Variants in GIT2 observed in about 807,000 individuals in gnomAD.
The protein encoded by GIT2 is GIT ArfGAP 2.
Under a neutral mutation model 100.3 loss-of-function variants are expected in GIT2, and 32 were observed. The observed-to-expected ratio is 0.32, with a 90% CI of 0.24 to 0.43. The LOEUF (loss-of-function observed/expected upper bound fraction) is 0.43. Ranked by LOEUF, GIT2 falls within the 20% of genes least tolerant of loss-of-function variation. GIT2 has a pLI of 1.00. For missense variants in GIT2, 737 were observed against 975.1 expected, an observed-to-expected ratio of 0.76 and a Z score of 3.25; for synonymous variants, 353 against 364.1, an observed-to-expected ratio of 0.97 and a Z score of 0.35.
At chr12:109,964,013 T>C (rs1881676934) in intron 9 of GIT2, among the ~76,000 whole-genome samples, 1 of 152,222 alleles carries the variant, frequency 6.6e-6, no homozygotes, top group Non-Finnish European at 1.5e-5. Flanking sequence ...ACTTCATGCC[T>C]GCCACGTGCT....
chr12:109,971,396 G>C (rs1430432336), intron 7 of GIT2, among the ~76,000 whole-genome samples: 1 of 151,866 alleles, frequency 6.6e-6, no homozygotes, highest in Non-Finnish European at 1.5e-5. Context: ...AAGATCTCAG[G>C]CTCACTGCAA....
In GIT2 at chr12:109,933,223, C is replaced by A; in HGVS notation, c.2068-33G>T. On this transcript the variant is annotated intron_variant, in intron 19 of 19. Coordinates refer to ENST00000355312, the MANE Select transcript of GIT2 (RefSeq NM_057169.5). The surrounding 1 kb of genome is among the most constrained non-coding windows in gnomAD (Gnocchi z 4.5). ...GAAAAAGACAGCCGTTTACCCTGAA[C>A]TGCAGGGCAGACATCCAAAAGCAGG... 1 of 1,234,918 alleles carries A rather than the reference C, an allele frequency of 8.1e-7. No homozygotes were observed. Among genetic ancestry groups the A allele is most frequent in the Middle Eastern group, 1.9e-4 (1 of 5,394 alleles). 76.5% of individuals were successfully genotyped at this position (1,234,918 alleles called of 1,614,324 possible).
chr12:109,938,652 G>T lies in GIT2; in HGVS notation c.1815-84C>A. The T allele has an allele frequency of 6.5e-6, 6 of 916,494 alleles. No homozygotes were observed. The South Asian group carries it at 8.2e-5, about 13-fold the overall frequency. The allele number at this position is 916,494 out of a possible 1,614,324, so 56.8% of individuals were successfully genotyped here. On this transcript the variant is annotated intron_variant, in intron 17 of 19. Transcript: ENST00000355312. ...TCTAGGAGCCACTTTGTATGCACTG[G>T]CTAAATGCATGAGCAGGCTGGTCTC... is the stretch of plus-strand genomic sequence containing the variant.
At chr12:109,987,756 T>C (rs1401773221) in intron 4 of GIT2, among the ~76,000 whole-genome samples, 8 of 152,102 alleles carry the variant, frequency 5.3e-5, no homozygotes, top group African/African-American at 1.4e-4. Flanking sequence ...GAGTGAGCCA[T>C]CGCACCCGGC....
intron 16 of GIT2, among the ~76,000 whole-genome samples, chr12:109,941,196 C>T (rs1009966697): frequency 9.8e-5 from 15 of 152,302 alleles, no homozygotes; most frequent in African/African-American, 7.2e-5. Context: ...TCACTATGAA[C>T]TCGTGCATCC....
At position 109,931,975 on chromosome 12, in the gene GIT2, T is replaced by C. The variant is rs1871720709; in HGVS notation, c.*1003A>G. On this transcript the variant is annotated 3_prime_UTR_variant, in exon 20 of 20. Coordinates refer to ENST00000355312, the MANE Select transcript of GIT2 (RefSeq NM_057169.5). ...ATACATCTTTCCTTATAAGAAGTCC[T>C]TAAAGATGATGAAAAATGTGAAGCA... The C allele has an allele frequency of 6.6e-6, 1 of 152,222 alleles. No individual in the cohort carries two copies. Among genetic ancestry groups the C allele is most frequent in the Non-Finnish European group, 1.5e-5 (1 of 68,050 alleles). The allele number at this position is 152,222 out of a possible 1,614,324, so 9.4% of individuals were successfully genotyped here. A position where few individuals can be genotyped will look rare whatever the true frequency, so the allele number is the denominator to read the frequency against.
intron 7 of GIT2, among the ~76,000 whole-genome samples, chr12:109,972,002 G>GAA (rs541168935): frequency 1.3e-3 from 177 of 136,360 alleles, no homozygotes; most frequent in Non-Finnish European, 1.7e-3. Context: ...AAAAAAAAGG[G>GAA]AAAAAAAAAT....
intron 1 of GIT2, among the ~76,000 whole-genome samples, chr12:109,992,492 G>C (rs1352572735): frequency 6.6e-6 from 1 of 152,088 alleles, no homozygotes; most frequent in Non-Finnish European, 1.5e-5. Context: ...AGCATTTTCT[G>C]CAGTAAATGT....
At chr12:109,943,393 T>C (rs943138531) in intron 16 of GIT2, among the ~76,000 whole-genome samples, 1 of 152,132 alleles carries the variant, frequency 6.6e-6, no homozygotes, top group Admixed American at 6.5e-5. Context: ...AGTGGTGCAA[T>C]CTCGGCTTAC....
chr12:109,985,483 A>C (rs949962465), intron 4 of GIT2, among the ~76,000 whole-genome samples: 3 of 152,234 alleles, frequency 2.0e-5, no homozygotes, highest in Non-Finnish European at 2.9e-5. Context: ...TGGGAGGCCA[A>C]GGCAGGCAGA....
chr12:109,969,434 T>C (rs1028485647), intron 7 of GIT2, among the ~76,000 whole-genome samples: 3 of 152,224 alleles, frequency 2.0e-5, no homozygotes, highest in African/African-American at 7.2e-5. Context: ...CCCAAAGTGC[T>C]GGGATTACAG....
At position 109,959,838 on chromosome 12, in the gene GIT2, A is replaced by C. The variant is rs771765028; in HGVS notation, c.1099+9T>G. ...AAAAATGCAAGTGTTTGGAGGTTTG[A>C]GCAGTTACCTTTTGAACCCGAGAGA... is the stretch of plus-strand genomic sequence containing the variant. On this transcript the variant is annotated intron_variant, in intron 12 of 19. Transcript: ENST00000355312. 1.3e-6 allele frequency: 2 copies of C among 1,530,664 alleles called. No individual in the cohort carries two copies. Among genetic ancestry groups the C allele is most frequent in the East Asian group, 4.5e-5 (2 of 44,506 alleles). 94.8% of individuals were successfully genotyped at this position (1,530,664 alleles called of 1,614,324 possible). A position where few individuals can be genotyped will look rare whatever the true frequency, so the allele number is the denominator to read the frequency against.
upstream of GIT2, chr12:109,999,430 A>G (rs1368132214): frequency 4.8e-6 from 1 of 208,400 alleles, no homozygotes. This position sits in a 1 kb window ranked among gnomAD's most constrained non-coding sequence, Gnocchi z 4.3. Context: ...TTAGGTCCGC[A>G]GAAGTCTGTC....
At position 109,933,466 on chromosome 12, in the gene GIT2, G is replaced by A. The variant is rs550875635; in HGVS notation, c.2068-276C>T. 2.0e-5 allele frequency: 7 copies of A among 345,632 alleles called. No homozygotes were observed. In the South Asian group the frequency reaches 3.7e-4, roughly 18 times the overall value. The allele number at this position is 345,632 out of a possible 1,614,324, so 21.4% of individuals were successfully genotyped here. On this transcript the variant is annotated intron_variant, in intron 19 of 19. Transcript: ENST00000355312. This position sits in a 1 kb window ranked among gnomAD's most constrained non-coding sequence, Gnocchi z 4.5. ...GTTTTTGAAAAATATTAATCCATGT[G>A]GGTAAAATATTCCAGAAAATCCTAT...
intron 14 of GIT2, among the ~76,000 whole-genome samples, chr12:109,949,667 T>C (rs986368471): frequency 6.6e-6 from 1 of 152,232 alleles, no homozygotes; most frequent in Admixed American, 6.5e-5. Flanking sequence ...AAGCAAATAA[T>C]TTCACTTTGC....
intron 9 of GIT2, among the ~76,000 whole-genome samples, chr12:109,961,937 A>G (rs956673042): frequency 6.6e-6 from 1 of 152,214 alleles, no homozygotes; most frequent in Non-Finnish European, 1.5e-5. Flanking sequence ...AGAGGCATCT[A>G]AAGTGCATCA....
At position 109,948,135 on chromosome 12, in the gene GIT2, GAAAA is replaced by G; in HGVS notation, c.1393-635_1393-632del. The G allele has an allele frequency of 1.1e-6, 1 of 928,536 alleles. No individual in the cohort carries two copies. 57.5% of individuals were successfully genotyped at this position (928,536 alleles called of 1,614,324 possible). On this transcript the variant is annotated intron_variant, in intron 14 of 19. Coordinates refer to ENST00000355312, the MANE Select transcript of GIT2 (RefSeq NM_057169.5). The surrounding 1 kb of genome is among the most constrained non-coding windows in gnomAD (Gnocchi z 4.3). ...ATTCAGCACTTTGTAAAAAAAAAAAGAAAAAAGAGAAAACCGGATCATGGTAAGT... is the reference window on the plus strand; with the variant it reads ...ATTCAGCACTTTGTAAAAAAAAAAAGAAGAGAAAACCGGATCATGGTAAGT...
chr12:109,961,638 T>C lies in GIT2; in HGVS notation c.864A>G (p.Glu288=). 2 of 1,607,720 alleles carry C rather than the reference T, an allele frequency of 1.2e-6. No homozygotes were observed. Among genetic ancestry groups the C allele is most frequent in the Admixed American group, 1.7e-5 (1 of 60,006 alleles). ...CTGCATCCGTCTCTCGCCTGTCAAC[T>C]TCATCGTACACATCCATGGCAAGTT... ...FEELAMDVYD[E]VDRRETDAVW... is the part of the protein sequence containing the mutation. Residue 288 remains glutamate (E), a synonymous_variant, in exon 10 of 20, where the codon GAA becomes GAG. Transcript: ENST00000355312.
In GIT2 at chr12:109,991,705, A is replaced by G; in HGVS notation, c.108T>C (p.Ser36=). 1.2e-6 allele frequency: 2 copies of G among 1,612,414 alleles called. No individual in the cohort carries two copies. Among genetic ancestry groups the G allele is most frequent in the Non-Finnish European group, 1.7e-6 (2 of 1,178,434 alleles). ...RGTFLCDECC[S]VHRSLGRHIS... ...TATGGCGCCCTAGACTCCGATGGAC[A>G]CTGCAGCACTCATCACATAAAAACG... The change falls in exon 2 of 20, where the codon AGT becomes AGC. Residue 36 remains serine, a synonymous_variant. Coordinates refer to ENST00000355312, the MANE Select transcript of GIT2 (RefSeq NM_057169.5).
Sources: allele counts gnomAD v4.1 joint callset (sites outside exome capture counted in the v4.1 genomes callset), GRCh38; gene constraint gnomAD v4.1.1; non-coding constraint Gnocchi (gnomAD v3.1); transcripts MANE v1.5; gene names NCBI Gene and HGNC (gene_info 2026-07-23, HGNC 2026-07-21).